Variants in HCN1 observed in about 807,000 individuals in gnomAD.
HCN1 encodes the protein hyperpolarization activated cyclic nucleotide gated potassium channel 1, also known as potassium/sodium hyperpolarization-activated cyclic nucleotide-gated channel 1.
In HCN1, 13 loss-of-function variants were observed where a neutral mutation model predicts 78.9. The observed-to-expected ratio is 0.16, with a 90% confidence interval of 0.11 to 0.26. The LOEUF (loss-of-function observed/expected upper bound fraction) is 0.26. Ranked by LOEUF, HCN1 falls within the 10% of genes least tolerant of loss-of-function variation. HCN1 has a pLI of 1.00. For missense variants in HCN1, 810 were observed against 1,154.3 expected, an observed-to-expected ratio of 0.70 and a Z score of 4.32; for synonymous variants, 552 against 455.5, an observed-to-expected ratio of 1.21 and a Z score of -2.70.
At chr5:45,608,024 T>C (rs1301765660) in intron 2 of HCN1, among the ~76,000 whole-genome samples, 1 of 151,962 alleles carries the variant, frequency 6.6e-6, no homozygotes, top group East Asian at 1.9e-4. Context: ...AATTTAGTAA[T>C]GTTGCTGGAT....
chr5:45,472,762 A>G (rs886478639), intron 2 of HCN1, among the ~76,000 whole-genome samples: 1 of 152,000 alleles, frequency 6.6e-6, no homozygotes, highest in Non-Finnish European at 1.5e-5. Context: ...TACTTATCAC[A>G]TGTCTGTAAT....
intron 4 of HCN1, among the ~76,000 whole-genome samples, chr5:45,362,154 TTGTGTGTGTGTG>T (rs200176463): frequency 2.1e-5 from 3 of 142,562 alleles, no homozygotes; most frequent in Non-Finnish European, 4.7e-5. Flanking sequence ...GTGTGTGTGT[TTGTGTGTGTGTG>T]TGTGTGTGTG....
chr5:45,593,615 T>C (rs1406680690), intron 2 of HCN1, among the ~76,000 whole-genome samples: 2 of 150,700 alleles, frequency 1.3e-5, no homozygotes, highest in Non-Finnish European at 1.5e-5. Context: ...TTCTGGACTT[T>C]TAAATGGCTA....
intron 2 of HCN1, among the ~76,000 whole-genome samples, chr5:45,633,381 A>G (rs983213864): frequency 5.9e-5 from 9 of 151,884 alleles, no homozygotes; most frequent in African/African-American, 2.2e-4. Flanking sequence ...TCAATTGACT[A>G]ATCAAAGGAT....
At chr5:45,512,657 C>A (rs1008369981) in intron 2 of HCN1, among the ~76,000 whole-genome samples, 1 of 151,926 alleles carries the variant, frequency 6.6e-6, no homozygotes, top group Non-Finnish European at 1.5e-5. Context: ...GAGGACAATG[C>A]CCAGGTCATG....
chr5:45,328,087 A>T (rs1468966838), intron 5 of HCN1, among the ~76,000 whole-genome samples: 2 of 151,596 alleles, frequency 1.3e-5, no homozygotes, highest in Admixed American at 1.3e-4. Flanking sequence ...TGTGGGGAGT[A>T]TGTCGATGCC....
At chr5:45,299,902 A>G (rs1745575855) in intron 6 of HCN1, among the ~76,000 whole-genome samples, 1 of 152,030 alleles carries the variant, frequency 6.6e-6, no homozygotes, top group Non-Finnish European at 1.5e-5. Flanking sequence ...TCACTCATGG[A>G]CAGAGATGAC....
intron 3 of HCN1, among the ~76,000 whole-genome samples, chr5:45,413,631 G>A (rs1382160095): frequency 2.6e-5 from 4 of 151,808 alleles, no homozygotes; most frequent in Non-Finnish European, 4.4e-5. Context: ...AACTTTCAGA[G>A]GTAGAAATGA....
intron 6 of HCN1, among the ~76,000 whole-genome samples, chr5:45,288,381 G>T (rs1413626203): frequency 6.6e-6 from 1 of 151,874 alleles, no homozygotes; most frequent in Non-Finnish European, 1.5e-5. Flanking sequence ...AGACATTTTG[G>T]ATGTTTCATG....
At chr5:45,350,052 C>T (rs1013947696) in intron 5 of HCN1, among the ~76,000 whole-genome samples, 1 of 152,098 alleles carries the variant, frequency 6.6e-6, no homozygotes, top group East Asian at 1.9e-4. Context: ...GATACCAAAG[C>T]TGGGCAGACA....
At position 45,282,044 on chromosome 5, in the gene HCN1, A is replaced by G. The variant is rs567276259; in HGVS notation, c.1619-14791T>C. ...CATAGATTATTTATTTTGGTAGAGA[A>G]AACTGAATAAAATATGCCCAATACT... On this transcript the variant is annotated intron_variant, in intron 6 of 7. Coordinates refer to ENST00000303230, the MANE Select transcript of HCN1 (RefSeq NM_021072.4). 7.9e-5 allele frequency among the ~76,000 whole-genome samples: 12 copies of G among 152,328 alleles called. No homozygotes were observed. The South Asian group carries it at 2.5e-3, about 32-fold the overall frequency.
chr5:45,663,701 G>GA (rs1745970674), intron 1 of HCN1, among the ~76,000 whole-genome samples: 1 of 151,914 alleles, frequency 6.6e-6, no homozygotes, highest in Non-Finnish European at 1.5e-5. Context: ...AAAAACACAT[G>GA]AAAAAATGCT....
chr5:45,393,643 C>T (rs912278720), intron 4 of HCN1, among the ~76,000 whole-genome samples: 4 of 152,154 alleles, frequency 2.6e-5, no homozygotes, highest in Admixed American at 2.6e-4. Context: ...CTAAAAAACA[C>T]TTCTGTAAGA....
At chr5:45,301,835 T>C (rs1001870607) in intron 6 of HCN1, among the ~76,000 whole-genome samples, 2 of 151,104 alleles carry the variant, frequency 1.3e-5, no homozygotes, top group Non-Finnish European at 2.9e-5. Context: ...CAGATTTAAA[T>C]CAACAATAAT....
At chr5:45,639,424 A>G (rs1745413315) in intron 2 of HCN1, among the ~76,000 whole-genome samples, 1 of 152,192 alleles carries the variant, frequency 6.6e-6, no homozygotes, top group African/African-American at 2.4e-5. Context: ...CATATGCTTC[A>G]TTTCATTTGA....
intron 1 of HCN1, among the ~76,000 whole-genome samples, chr5:45,690,852 C>T (rs1739896636): frequency 6.6e-6 from 1 of 151,996 alleles, no homozygotes; most frequent in Non-Finnish European, 1.5e-5. Context: ...CAATAATTTG[C>T]ACTGTACTTA....
At chr5:45,554,016 C>A (rs1253896174) in intron 2 of HCN1, among the ~76,000 whole-genome samples, 1 of 151,816 alleles carries the variant, frequency 6.6e-6, no homozygotes, top group Non-Finnish European at 1.5e-5. Flanking sequence ...TACTAAATCC[C>A]AACATCCAAG....
At chr5:45,477,508 T>C (rs1322119013) in intron 2 of HCN1, among the ~76,000 whole-genome samples, 2 of 152,096 alleles carry the variant, frequency 1.3e-5, no homozygotes, top group East Asian at 1.9e-4. Context: ...CATAGTTTTA[T>C]TGGTGAGCAG....
At chr5:45,479,022 G>A (rs923667545) in intron 2 of HCN1, among the ~76,000 whole-genome samples, 2 of 151,926 alleles carry the variant, frequency 1.3e-5, no homozygotes, top group East Asian at 3.9e-4. Context: ...ACAGGAGGCT[G>A]AGACTGGAGA....
Sources: gnomAD v4.1 joint callset for allele counts (sites outside exome capture counted in the v4.1 genomes callset) on GRCh38, gnomAD v4.1.1 for gene constraint, MANE v1.5 for transcripts, NCBI Gene and HGNC (gene_info 2026-07-23, HGNC 2026-07-21) for gene names.